The following MIPEP variants were observed in gnomAD, a reference collection of about 807,000 sequenced individuals.
MIPEP encodes mitochondrial intermediate peptidase.
A neutral mutation model predicts 90.3 loss-of-function variants in MIPEP; 79 were observed. The observed-to-expected ratio is 0.87, with a 90% CI of 0.73 to 1.05. The LOEUF is 1.05. MIPEP is among the 50% of genes least tolerant of loss of function. The pLI is 0.00. For synonymous variants in MIPEP, 334 were observed against 315.8 expected (o/e 1.06, Z -0.61); for missense variants, 940 against 905.6 (o/e 1.04, Z -0.49).
chr13:23,846,164 G>C (rs1869528441), intron 10 of MIPEP, among the ~76,000 whole-genome samples: 1 of 152,038 alleles, frequency 6.6e-6, no homozygotes, highest in Non-Finnish European at 1.5e-5. Flanking sequence ...CTGTCTTGTT[G>C]TTACATATAG....
In MIPEP at chr13:23,864,130, T is replaced by C; in HGVS notation, c.992+11A>G. ...ATAACCAAAAAACTAAATAGTAGAA[T>C]AAAAACTAACCTTTCAGAAAGTTTG... On this transcript the variant is annotated intron_variant, in intron 8 of 18. Coordinates refer to ENST00000382172, the MANE Select transcript of MIPEP (RefSeq NM_005932.4). 1 of 1,498,648 alleles carries C rather than the reference T, an allele frequency of 6.7e-7. No homozygotes were observed. The highest frequency in any genetic ancestry group is 9.1e-7 in the Non-Finnish European group (1 of 1,101,130). The allele number at this position is 1,498,648 out of a possible 1,614,324, so 92.8% of individuals were successfully genotyped here.
At chr13:23,749,977 T>C (rs183850742) in intron 18 of MIPEP, among the ~76,000 whole-genome samples, 3 of 152,188 alleles carry the variant, frequency 2.0e-5, no homozygotes, top group East Asian at 3.9e-4. Flanking sequence ...CAAGTGGCAA[T>C]GAAAAGGCTG....
chr13:23,750,105 G>A lies in MIPEP; in HGVS notation c.2044+6440C>T, dbSNP rs57470245. ...TTTTTAATTAAATTTTAAATTTCAG[G>A]ATAGTTTTATATTTACTGAAAAACT... On this transcript the variant is annotated intron_variant, in intron 18 of 18. Transcript: ENST00000382172. 0.023 allele frequency among the ~76,000 whole-genome samples: 3,435 copies of A among 152,182 alleles called. 344 individuals carry two copies. The East Asian group carries it at 0.31, about 14-fold the overall frequency.
intron 14 of MIPEP, among the ~76,000 whole-genome samples, chr13:23,823,982 G>A (rs566956341): frequency 8.5e-5 from 13 of 152,338 alleles, no homozygotes; most frequent in Non-Finnish European, 1.5e-4. Context: ...GGTGTCAACT[G>A]TATCCTTGGG....
chr13:23,879,358 G>GA lies in MIPEP; in HGVS notation c.453-5dup, dbSNP rs754783017. On this transcript the variant is annotated splice_polypyrimidine_tract_variant and splice_region_variant and intron_variant, in intron 3 of 18. Coordinates refer to ENST00000382172, the MANE Select transcript of MIPEP (RefSeq NM_005932.4). ...TAAATCCACATTTGTGTTCAACCTA[G>GA]AAAAAATAGAAATTTAAAAAATTAG... 2 of 1,431,470 alleles carry GA rather than the reference G, an allele frequency of 1.4e-6. No individual in the cohort carries two copies. The highest frequency in any genetic ancestry group is 1.2e-5 in the South Asian group (1 of 82,640). 88.7% of individuals were successfully genotyped at this position (1,431,470 alleles called of 1,614,324 possible). A position where few individuals can be genotyped will look rare whatever the true frequency, so the allele number is the denominator to read the frequency against.
chr13:23,771,705 A>C (rs1952653614), intron 16 of MIPEP, among the ~76,000 whole-genome samples: 1 of 152,196 alleles, frequency 6.6e-6, no homozygotes, highest in Non-Finnish European at 1.5e-5. Context: ...GTCATGTTTC[A>C]TCTGAAACCC....
At chr13:23,828,686 G>A (rs557489792) in intron 14 of MIPEP, among the ~76,000 whole-genome samples, 2 of 152,242 alleles carry the variant, frequency 1.3e-5, no homozygotes, top group Admixed American at 6.5e-5. Flanking sequence ...GGAGAGATAT[G>A]CCATATTCAT....
chr13:23,881,735 T>C lies in MIPEP; in HGVS notation c.416A>G (p.Glu139Gly), dbSNP rs1871277959. The change falls in exon 3 of 19, where the codon GAA (glutamate) becomes GGA (glycine). Residue 139 changes from glutamate to glycine, a missense_variant. Physicochemically the swap from Glu to Gly is moderately conservative, Grantham distance 98. Coordinates refer to ENST00000382172, the MANE Select transcript of MIPEP (RefSeq NM_005932.4). ...HPEPAFREAA[E>G]EACRSIGTMV... is the part of the protein sequence containing the mutation. ...GGTGCCAATACTTCTACAAGCTTCT[T>C]CCGCAGCTTCTCTGAATGCTGGCTC... The C allele has an allele frequency of 6.2e-7, 1 of 1,613,984 alleles. No homozygotes were observed. Among genetic ancestry groups the C allele is most frequent in the African/African-American group, 1.3e-5 (1 of 74,948 alleles).
intron 7 of MIPEP, among the ~76,000 whole-genome samples, chr13:23,867,338 G>A (rs975161951): frequency 1.3e-5 from 2 of 152,074 alleles, no homozygotes; most frequent in Admixed American, 6.6e-5. Flanking sequence ...GTGACTCTGC[G>A]TGAAACCTTT....
intron 14 of MIPEP, among the ~76,000 whole-genome samples, chr13:23,826,849 C>A (rs1231333176): frequency 6.6e-6 from 1 of 152,100 alleles, no homozygotes; most frequent in African/African-American, 2.4e-5. Context: ...ATACAGTCAG[C>A]CCTCCATATC....
At chr13:23,761,942 T>C (rs544258533) in intron 16 of MIPEP, among the ~76,000 whole-genome samples, 5 of 152,262 alleles carry the variant, frequency 3.3e-5, no homozygotes, top group East Asian at 1.9e-4. Flanking sequence ...CTGGCCAACA[T>C]GGTGAAACCC....
rs1952529168 is a variant in MIPEP at position 23,760,366 on chromosome 13, A to G, written c.1849-149T>C. The G allele has an allele frequency of 4.9e-6, 5 of 1,023,322 alleles. No homozygotes were observed. The Admixed American group carries it at 9.4e-5, about 19-fold the overall frequency. 63.4% of individuals were successfully genotyped at this position (1,023,322 alleles called of 1,614,324 possible). The stretch of plus-strand genomic sequence containing the variant: ...GAAGGCTACGTCACCTATGATATCA[A>G]TATTTTCACATTTTATACACTGTTA... On this transcript the variant is annotated intron_variant, in intron 16 of 18. Coordinates refer to ENST00000382172, the MANE Select transcript of MIPEP (RefSeq NM_005932.4).
chr13:23,864,262 GTGATGA>G (rs1236404595), intron 7 of MIPEP, 73 bp from the exon 8 acceptor site: 6 of 1,059,056 alleles, frequency 5.7e-6, no homozygotes, highest in African/African-American at 1.6e-5. Flanking sequence ...AAATTATTAT[GTGATGA>G]TCATAATCTA....
intron 5 of MIPEP, among the ~76,000 whole-genome samples, chr13:23,872,216 C>T (rs561670262): frequency 1.3e-5 from 2 of 152,344 alleles, no homozygotes; most frequent in East Asian, 3.9e-4. Flanking sequence ...AATCCCAGAA[C>T]TTTGGGAGGC....
chr13:23,798,015 G>C (rs1303325627), intron 16 of MIPEP, among the ~76,000 whole-genome samples: 2 of 152,290 alleles, frequency 1.3e-5, no homozygotes, highest in African/African-American at 4.8e-5. Context: ...CAAGGATTCT[G>C]GTCTACTTTA....
intron 16 of MIPEP, among the ~76,000 whole-genome samples, chr13:23,792,321 G>C (rs934312539): frequency 6.6e-6 from 1 of 152,184 alleles, no homozygotes; most frequent in Non-Finnish European, 1.5e-5. Context: ...TTGTTTAGTA[G>C]ACGTCTTAAA....
At chr13:23,879,115 T>G (rs1361274666) in intron 4 of MIPEP, among the ~76,000 whole-genome samples, 153 bp downstream of exon 4, 1 of 152,032 alleles carries the variant, frequency 6.6e-6, no homozygotes, top group African/African-American at 2.4e-5. Flanking sequence ...ACCATTTGAG[T>G]GGAGTCCTAG....
At chr13:23,809,114 T>A (rs1443289585) in intron 15 of MIPEP, among the ~76,000 whole-genome samples, 2 of 152,210 alleles carry the variant, frequency 1.3e-5, no homozygotes, top group Non-Finnish European at 2.9e-5. Flanking sequence ...GAAAGTTTTC[T>A]GGTCTTCATC....
chr13:23,786,579 A>G (rs879659964), intron 16 of MIPEP, among the ~76,000 whole-genome samples: 4 of 152,204 alleles, frequency 2.6e-5, no homozygotes, highest in Admixed American at 6.5e-5. Flanking sequence ...TAGCAAAAGA[A>G]AGATCAACAT....
Sources: gnomAD v4.1 joint callset for allele counts (sites outside exome capture counted in the v4.1 genomes callset) on GRCh38, gnomAD v4.1.1 for gene constraint, MANE v1.5 for transcripts, NCBI Gene and HGNC (gene_info 2026-07-23, HGNC 2026-07-21) for gene names.